The following TCERG1L variants were observed in gnomAD, a reference collection of about 807,000 sequenced individuals.
TCERG1L encodes transcription elongation regulator 1-like protein.
TCERG1L carries 37 observed loss-of-function variants against 56.3 expected under a neutral mutation model. The observed-to-expected ratio is 0.66, with a 90% CI of 0.51 to 0.87. The LOEUF (loss-of-function observed/expected upper bound fraction) is 0.87. TCERG1L is among the 40% of genes least tolerant of loss of function. The probability of loss-of-function intolerance (pLI) is 0.00; values close to 1 mark genes in which losing one functional copy is unlikely to be tolerated. For missense variants in TCERG1L, 799 were observed against 774.2 expected (o/e 1.03, Z -0.38); for synonymous variants, 324 against 326.3 (o/e 0.99, Z 0.08).
At chr10:131,253,957 C>A (rs1385776003) in intron 4 of TCERG1L, among the ~76,000 whole-genome samples, 2 of 150,694 alleles carry the variant, frequency 1.3e-5, no homozygotes, top group Non-Finnish European at 3.0e-5. Flanking sequence ...ATGATAAATG[C>A]TGAAAAGCAA....
intron 6 of TCERG1L, among the ~76,000 whole-genome samples, chr10:131,157,617 C>T (rs888169462): frequency 2.0e-5 from 3 of 151,806 alleles, no homozygotes; most frequent in Non-Finnish European, 1.5e-5. Flanking sequence ...ACAGAAATTC[C>T]GAAGGAGACT....
chr10:131,100,280 C>T (rs2133379685), intron 10 of TCERG1L, among the ~76,000 whole-genome samples: 1 of 152,278 alleles, frequency 6.6e-6, no homozygotes, highest in Middle Eastern at 3.4e-3. Context: ...GCATGTGGCT[C>T]CATCATTAGC....
intron 4 of TCERG1L, among the ~76,000 whole-genome samples, chr10:131,181,924 G>A (rs919450043): frequency 2.0e-5 from 3 of 152,268 alleles, no homozygotes; most frequent in Admixed American, 1.3e-4. Context: ...AGCATTGCTC[G>A]TGTTAAGATG....
chr10:131,137,841 C>A (rs1845692817), intron 7 of TCERG1L, among the ~76,000 whole-genome samples: 1 of 152,148 alleles, frequency 6.6e-6, no homozygotes, highest in Non-Finnish European at 1.5e-5. Flanking sequence ...GGTTGCCGTG[C>A]ACAACGGCAG....
At chr10:131,279,100 G>A (rs1009284728) in intron 3 of TCERG1L, among the ~76,000 whole-genome samples, 2 of 152,174 alleles carry the variant, frequency 1.3e-5, no homozygotes, top group African/African-American at 2.4e-5. Flanking sequence ...AGCTGCGTGT[G>A]CCCCTCAGGC....
intron 3 of TCERG1L, among the ~76,000 whole-genome samples, chr10:131,295,609 T>A (rs1846682098): frequency 6.6e-6 from 1 of 152,216 alleles, no homozygotes; most frequent in Admixed American, 6.5e-5. Flanking sequence ...TCACATAAAA[T>A]AACAATACAT....
At chr10:131,130,279 T>A (rs7895423) in intron 8 of TCERG1L, among the ~76,000 whole-genome samples, 3 of 151,940 alleles carry the variant, frequency 2.0e-5, no homozygotes, top group Non-Finnish European at 4.4e-5. Flanking sequence ...AGGGAAAGAC[T>A]GCCCTGGTGA....
chr10:131,301,778 TAAA>T (rs1167619048), intron 3 of TCERG1L, among the ~76,000 whole-genome samples: 1 of 151,458 alleles, frequency 6.6e-6, no homozygotes, highest in Admixed American at 6.6e-5. Flanking sequence ...CCCACAAAAA[TAAA>T]AACAGAATAA....
rs1429981939 is a variant in TCERG1L, at chr10:131,103,710, A to C, written c.1485+555T>G. ...TGTCTAAAATAAAATGAAATAAAATAAAATAAAAGGTTTTGACGGCCTTGT... is the reference window on the plus strand; with the variant it reads ...TGTCTAAAATAAAATGAAATAAAATCAAATAAAAGGTTTTGACGGCCTTGT... On this transcript the variant is annotated intron_variant, in intron 10 of 11. Transcript: ENST00000368642. The surrounding 1 kb of genome is among the most constrained non-coding windows in gnomAD (Gnocchi z 4.3). Among the ~76,000 whole-genome samples the C allele has an allele frequency of 6.6e-6, 1 of 152,180 alleles. No individual in the cohort carries two copies. The highest frequency in any genetic ancestry group is 1.5e-5 in the Non-Finnish European group (1 of 68,046).
At chr10:131,152,301 T>A (rs762099375) in intron 6 of TCERG1L, among the ~76,000 whole-genome samples, 2 of 152,126 alleles carry the variant, frequency 1.3e-5, no homozygotes, top group Non-Finnish European at 2.9e-5. Flanking sequence ...CTAAATCATC[T>A]CTCTCAAGTT....
intron 1 of TCERG1L, among the ~76,000 whole-genome samples, chr10:131,310,460 G>A (rs1846874580): frequency 6.6e-6 from 1 of 152,186 alleles, no homozygotes; most frequent in Non-Finnish European, 1.5e-5. Context: ...ATCAAATGGT[G>A]TATTCTAACA....
intron 6 of TCERG1L, among the ~76,000 whole-genome samples, chr10:131,159,781 T>G (rs1845957720): frequency 6.6e-6 from 1 of 152,050 alleles, no homozygotes; most frequent in African/African-American, 2.4e-5. Flanking sequence ...CATGCTGCCA[T>G]TAGTGAGGAT....
In TCERG1L at chr10:131,134,376, T is replaced by C. The variant is rs766259532; in HGVS notation, c.1259+3A>G. ...TCTGCTGGGGAAGAGCACGGCCACC[T>C]ACCGGTTCCTCTTGGTTTTCACATC... On this transcript the variant is annotated splice_donor_region_variant and intron_variant, in intron 8 of 11. Transcript: ENST00000368642. 6 of 1,584,958 alleles carry C rather than the reference T, an allele frequency of 3.8e-6. No homozygotes were observed. Among genetic ancestry groups the C allele is most frequent in the Non-Finnish European group, 4.3e-6 (5 of 1,164,614 alleles).
At chr10:131,288,551 T>C (rs2918118) in intron 3 of TCERG1L, among the ~76,000 whole-genome samples, 120,976 of 152,064 alleles carry the variant, frequency 0.8, 48,534 homozygotes, top group Non-Finnish European at 0.85. Flanking sequence ...ACAGGGTTCT[T>C]TGCACGGAGA....
chr10:131,093,784 G>T (rs1445558945), intron 11 of TCERG1L, among the ~76,000 whole-genome samples: 1 of 152,164 alleles, frequency 6.6e-6, no homozygotes, highest in Non-Finnish European at 1.5e-5. Context: ...AGGCCAGGGG[G>T]TCTTCTTTGG....
chr10:131,256,066 G>A (rs1351871055), intron 4 of TCERG1L, among the ~76,000 whole-genome samples: 2 of 152,154 alleles, frequency 1.3e-5, no homozygotes, highest in South Asian at 2.1e-4. Context: ...GAATCTTGAG[G>A]TATAAGCAAT....
chr10:131,207,051 AGT>A, intron 4 of TCERG1L, among the ~76,000 whole-genome samples: 1 of 152,184 alleles, frequency 6.6e-6, no homozygotes, highest in Admixed American at 6.5e-5. Flanking sequence ...GGAATCAGAA[AGT>A]GCTTTGTCCT....
Position 131,299,999 on chromosome 10 carries a change from G to C in TCERG1L, c.670+8212C>G, listed in dbSNP as rs116272494. 7.3e-3 allele frequency among the ~76,000 whole-genome samples: 1,107 copies of C among 152,204 alleles called. 14 individuals carry two copies. Among genetic ancestry groups the C allele is most frequent in the African/African-American group, 0.025 (1,045 of 41,546 alleles). On this transcript the variant is annotated intron_variant, in intron 3 of 11. Coordinates refer to ENST00000368642, the MANE Select transcript of TCERG1L (RefSeq NM_174937.4). ...ATCTCTAGCACTCTTCTTTTGTGTA[G>C]AGGTAACTTTCTCTATGCTAGTATA...
chr10:131,198,152 C>G (rs893109773), intron 4 of TCERG1L, among the ~76,000 whole-genome samples: 1 of 152,202 alleles, frequency 6.6e-6, no homozygotes, highest in Non-Finnish European at 1.5e-5. Flanking sequence ...GTCTGGGCAT[C>G]CTGGTATGTT....
Sources: gnomAD v4.1 joint callset for allele counts (sites outside exome capture counted in the v4.1 genomes callset) on GRCh38, gnomAD v4.1.1 for gene constraint, Gnocchi (gnomAD v3.1) non-coding constraint, MANE v1.5 for transcripts, NCBI Gene and HGNC (gene_info 2026-07-23, HGNC 2026-07-21) for gene names.